Variants in DPP6 observed in about 807,000 individuals in gnomAD.
DPP6 encodes A-type potassium channel modulatory protein DPP6.
Under a neutral mutation model 122.6 loss-of-function variants are expected in DPP6, and 69 were observed. The ratio of observed to expected loss-of-function variants is 0.56; its 90% CI spans 0.46 to 0.69. DPP6 has a LOEUF of 0.69. Among genes scored for constraint, DPP6 ranks in the 30% least tolerant of loss-of-function variants. DPP6 has a pLI of 0.00. For missense variants in DPP6, 928 were observed against 1,116.9 expected (o/e 0.83, Z 2.41); for synonymous variants, 418 against 433.1 (o/e 0.97, Z 0.43).
chr7:153,782,942 G>T, the DPP6 span, among the ~76,000 whole-genome samples: 2 of 152,172 alleles, frequency 1.3e-5, no homozygotes, highest in African/African-American at 4.8e-5. Flanking sequence ...TGCGATACTT[G>T]TATAGACCAC....
intron 1 of DPP6, among the ~76,000 whole-genome samples, chr7:154,003,426 C>T (rs938941131): frequency 6.6e-6 from 1 of 152,214 alleles, no homozygotes; most frequent in Non-Finnish European, 1.5e-5. Flanking sequence ...GCCAGGCTCA[C>T]AATCAATAGT....
chr7:153,748,138 G>A, the DPP6 span, among the ~76,000 whole-genome samples: 1 of 152,226 alleles, frequency 6.6e-6, no homozygotes, highest in African/African-American at 2.4e-5. Context: ...TTGACAGAGC[G>A]CTCGCATCCC....
chr7:154,653,374 T>C (rs755253279), intron 6 of DPP6, among the ~76,000 whole-genome samples: 1 of 152,100 alleles, frequency 6.6e-6, no homozygotes, highest in African/African-American at 2.4e-5. Context: ...GATTGACAGA[T>C]TGATTGATAA....
intron 1 of DPP6, among the ~76,000 whole-genome samples, chr7:154,285,454 G>A (rs553834831): frequency 2.0e-5 from 3 of 152,202 alleles, no homozygotes; most frequent in Admixed American, 2.0e-4. Context: ...TAGTAGAGAC[G>A]GGGTTTCACC....
intron 3 of DPP6, among the ~76,000 whole-genome samples, chr7:154,536,478 T>C (rs903234004): frequency 6.6e-6 from 1 of 152,104 alleles, no homozygotes; most frequent in African/African-American, 2.4e-5. Context: ...AGACTCAGGG[T>C]TGTAAAGGTG....
At chr7:154,511,781 G>A (rs925161946) in intron 3 of DPP6, among the ~76,000 whole-genome samples, 1 of 150,058 alleles carries the variant, frequency 6.7e-6, no homozygotes, top group South Asian at 2.1e-4. Context: ...AATCAATTAT[G>A]ATCTTACCAT....
At chr7:154,093,632 C>CACACACACACACA (rs746381906) in intron 1 of DPP6, 23 of 128,168 alleles carry the variant, frequency 1.8e-4, no homozygotes, top group African/African-American at 6.6e-4. Context: ...CACACACACA[C>CACACACACACACA]CATACACACA....
chr7:154,880,894 G>A lies in DPP6; in HGVS notation c.2085G>A (p.Met695Ile). The A allele has an allele frequency of 6.2e-7, 1 of 1,614,012 alleles. No homozygotes were observed. The highest frequency in any genetic ancestry group is 1.1e-5 in the South Asian group (1 of 91,082). Residue 695 changes from methionine to isoleucine, a missense_variant, in exon 21 of 26, where the codon ATG becomes ATA. By Grantham distance (10) the Met-to-Ile change is conservative. Transcript: ENST00000377770. ...CCCCTCCTCGACCTCACAGGACGAT[G>A]CTGAAGGAGCAGTACATTGACAGGA... ...EKDQMEAVRT[M>I]LKEQYIDRTR... is the part of the protein sequence containing the mutation.
chr7:154,081,268 G>A (rs1052456446), intron 1 of DPP6, among the ~76,000 whole-genome samples: 8 of 149,996 alleles, frequency 5.3e-5, no homozygotes, highest in Non-Finnish European at 1.2e-4. Context: ...TTGAAGCATT[G>A]TGCCTCTCTT....
intron 1 of DPP6, among the ~76,000 whole-genome samples, chr7:154,033,789 T>G (rs1322235846): frequency 6.6e-6 from 1 of 152,170 alleles, no homozygotes; most frequent in Non-Finnish European, 1.5e-5. Context: ...GTATTCAAAG[T>G]GCTGATACCA....
At chr7:154,679,754 A>G (rs555367011) in intron 7 of DPP6, among the ~76,000 whole-genome samples, 20 of 152,338 alleles carry the variant, frequency 1.3e-4, no homozygotes, top group African/African-American at 4.8e-4. Flanking sequence ...TATTCATTGT[A>G]AAAACATTCA....
intron 1 of DPP6, among the ~76,000 whole-genome samples, chr7:154,168,125 A>G (rs1797346746): frequency 6.6e-6 from 1 of 152,202 alleles, no homozygotes; most frequent in Admixed American, 6.5e-5. Context: ...GAGCCACTGC[A>G]ATTAAGACTT....
the DPP6 span, among the ~76,000 whole-genome samples, chr7:153,816,257 A>G: frequency 2.6e-5 from 4 of 152,182 alleles, no homozygotes; most frequent in East Asian, 3.9e-4. Context: ...AATATAAAGC[A>G]GAAATAAAAG....
chr7:154,780,214 C>T (rs879368691), intron 10 of DPP6, among the ~76,000 whole-genome samples: 27 of 152,134 alleles, frequency 1.8e-4, no homozygotes, highest in African/African-American at 6.0e-4. Context: ...AGAGAAATGC[C>T]GGATCTTTAC....
chr7:154,807,131 G>A lies in DPP6; in HGVS notation c.1666+19G>A, dbSNP rs377579426. On this transcript the variant is annotated intron_variant, in intron 16 of 25. Coordinates refer to ENST00000377770, the MANE Select transcript of DPP6 (RefSeq NM_130797.4). ...TGCGAAGGTCAGCTCCTGCCACCCC[G>A]TCAGGGCAAAGAGCCCTGGCAGGCA... The A allele has an allele frequency of 4.0e-5, 64 of 1,609,768 alleles. No homozygotes were observed. Among genetic ancestry groups the A allele is most frequent in the African/African-American group, 3.3e-4 (25 of 74,886 alleles).
chr7:154,648,116 C>T (rs554469430), intron 6 of DPP6, among the ~76,000 whole-genome samples: 3 of 150,164 alleles, frequency 2.0e-5, no homozygotes, highest in African/African-American at 7.4e-5. Flanking sequence ...AAAAATTAGC[C>T]GGGCATGGTG....
rs572088909 is a variant in DPP6, at chr7:154,398,029, G to A, written c.244-48185G>A. Among the ~76,000 whole-genome samples the A allele has an allele frequency of 1.4e-4, 21 of 152,262 alleles. No homozygotes were observed. In the South Asian group the frequency reaches 1.9e-3, roughly 14 times the overall value. ...ATTTTTACCCAACCACTGTGATGCC[G>A]TAAAATATGGCAGAATTCTGGGCAT... On this transcript the variant is annotated intron_variant, in intron 1 of 25. Transcript: ENST00000377770.
chr7:154,835,273 C>G (rs900597227), intron 16 of DPP6, among the ~76,000 whole-genome samples: 1 of 152,104 alleles, frequency 6.6e-6, no homozygotes, highest in Non-Finnish European at 1.5e-5. Flanking sequence ...TGCTGTGCGA[C>G]GTCAGAGGCA....
chr7:153,750,819 A>C, the DPP6 span, among the ~76,000 whole-genome samples: 13 of 152,208 alleles, frequency 8.5e-5, no homozygotes, highest in African/African-American at 3.1e-4. Context: ...CTTCTTTAAA[A>C]TCTTTGATGG....
Sources: allele counts gnomAD v4.1 joint callset (sites outside exome capture counted in the v4.1 genomes callset), GRCh38; gene constraint gnomAD v4.1.1; transcripts MANE v1.5; gene names NCBI Gene and HGNC (gene_info 2026-07-23, HGNC 2026-07-21).